SP4: variants seen among roughly 807,000 people sequenced by gnomAD.
SP4 encodes the protein transcription factor Sp4.
A neutral mutation model predicts 72.8 loss-of-function variants in SP4; 19 were observed. That is an observed-to-expected ratio of 0.26 (90% CI 0.18 to 0.38). SP4 has a LOEUF of 0.38. SP4 is among the 10% of genes least tolerant of loss of function. SP4 has a pLI of 1.00. For synonymous variants in SP4, 395 were observed against 333.1 expected, an observed-to-expected ratio of 1.19 and a Z score of -2.02; for missense variants, 1,008 against 926.3, an observed-to-expected ratio of 1.09 and a Z score of -1.14.
intron 3 of SP4, among the ~76,000 whole-genome samples, chr7:21,443,692 A>T (rs185090145): frequency 6.6e-6 from 1 of 152,242 alleles, no homozygotes; most frequent in East Asian, 1.9e-4. Flanking sequence ...AGGGGTGGAA[A>T]ATCCTTGCTC....
chr7:21,468,173 T>C (rs1784226039), intron 3 of SP4, among the ~76,000 whole-genome samples: 1 of 152,134 alleles, frequency 6.6e-6, no homozygotes, highest in Non-Finnish European at 1.5e-5. Context: ...TTTCTGTCCC[T>C]ATTCCTAAGC....
intron 3 of SP4, among the ~76,000 whole-genome samples, chr7:21,474,675 T>C (rs867177910): frequency 6.6e-6 from 1 of 152,194 alleles, no homozygotes; most frequent in Admixed American, 6.5e-5. Flanking sequence ...TTAAAGTAGA[T>C]AGGGAGCAGA....
chr7:21,514,492 A>G lies in SP4; in HGVS notation c.*3223A>G, dbSNP rs1782218182. On this transcript the variant is annotated 3_prime_UTR_variant, in exon 6 of 6. Coordinates refer to ENST00000222584, the MANE Select transcript of SP4 (RefSeq NM_003112.5). ...AATGTTTTGCAAAAATTCCTTATAA[A>G]AAGTTTTGTAGTAACATTTCACTTG... is the stretch of plus-strand genomic sequence containing the variant. 6.6e-6 allele frequency: 1 copy of G among 151,466 alleles called. No homozygotes were observed. The highest frequency in any genetic ancestry group is 1.5e-5 in the Non-Finnish European group (1 of 67,842). The allele number at this position is 151,466 out of a possible 1,614,324, so 9.4% of individuals were successfully genotyped here. A position where few individuals can be genotyped will look rare whatever the true frequency, so the allele number is the denominator to read the frequency against.
intron 3 of SP4, among the ~76,000 whole-genome samples, chr7:21,437,702 A>T (rs1388034249): frequency 6.6e-6 from 1 of 152,196 alleles, no homozygotes; most frequent in African/African-American, 2.4e-5. Flanking sequence ...CATACCTACA[A>T]GGTAAAAAAC....
rs759232390 is a variant in SP4 at position 21,428,893 on chromosome 7, C to T, written c.123+101C>T. On this transcript the variant is annotated intron_variant, in intron 2 of 5. Transcript: ENST00000222584. The stretch of plus-strand genomic sequence containing the variant: ...GAAGTAACAGAATAAAATGTTTATC[C>T]ACTCAAAGCATCTTTCTGAGAGTGT... The T allele has an allele frequency of 7.7e-6, 7 of 911,572 alleles. No individual in the cohort carries two copies. In the Admixed American group the frequency reaches 1.7e-4, roughly 23 times the overall value. 56.5% of individuals were successfully genotyped at this position (911,572 alleles called of 1,614,324 possible). A position where few individuals can be genotyped will look rare whatever the true frequency, so the allele number is the denominator to read the frequency against.
At position 21,429,287 on chromosome 7, in the gene SP4, A is replaced by T; in HGVS notation, c.124-2A>T. The T allele has an allele frequency of 7.4e-7, 1 of 1,342,710 alleles. No homozygotes were observed. Among genetic ancestry groups the T allele is most frequent in the Non-Finnish European group, 1.0e-6 (1 of 969,016 alleles). The allele number at this position is 1,342,710 out of a possible 1,614,324, so 83.2% of individuals were successfully genotyped here. ...TCTCCTTTACCGTCCCATTTTGGGT[A>T]GGACTCTCAGCCCTCTCCTCTGGCT... On this transcript the variant is annotated splice_acceptor_variant, in intron 2 of 5. Transcript: ENST00000222584. LOFTEE classifies it high-confidence loss of function.
intron 3 of SP4, among the ~76,000 whole-genome samples, chr7:21,431,966 A>T (rs2128389544): frequency 6.6e-6 from 1 of 152,344 alleles, no homozygotes; most frequent in Non-Finnish European, 1.5e-5. Flanking sequence ...TTGCCAGATA[A>T]AGCCTTCTGA....
chr7:21,430,916 C>A, intron 3 of SP4, 73 bp downstream of exon 3: 2 of 1,202,864 alleles, frequency 1.7e-6, no homozygotes, highest in Non-Finnish European at 2.3e-6. Flanking sequence ...TCTCCTAATT[C>A]TAAGGTTTGA....
At chr7:21,510,618 TTAAAAC>T (rs752318358) in intron 5 of SP4, among the ~76,000 whole-genome samples, 8 of 152,198 alleles carry the variant, frequency 5.3e-5, no homozygotes, top group Non-Finnish European at 8.8e-5. Context: ...GCCTCCAAGA[TTAAAAC>T]TAAAACCCAG....
chr7:21,455,694 T>C (rs1202243602), intron 3 of SP4, among the ~76,000 whole-genome samples: 1 of 152,188 alleles, frequency 6.6e-6, no homozygotes, highest in African/African-American at 2.4e-5. Flanking sequence ...GTACCTATCA[T>C]TGTGCCTTCA....
At chr7:21,486,520 T>C (rs1304659524) in intron 5 of SP4, among the ~76,000 whole-genome samples, 2 of 152,088 alleles carry the variant, frequency 1.3e-5, no homozygotes, top group Non-Finnish European at 2.9e-5. Context: ...TGGACACATT[T>C]GAAAGTGGTT....
intron 3 of SP4, among the ~76,000 whole-genome samples, chr7:21,474,453 A>G (rs1310761032): frequency 6.6e-6 from 1 of 152,238 alleles, no homozygotes; most frequent in African/African-American, 2.4e-5. Context: ...CATTTTTTGC[A>G]GTAAACAAAG....
At chr7:21,432,991 C>T (rs138983985) in intron 3 of SP4, among the ~76,000 whole-genome samples, 45 of 152,304 alleles carry the variant, frequency 3.0e-4, no homozygotes, top group African/African-American at 9.4e-4. Flanking sequence ...GAGACCCTCT[C>T]TCAAACAAAC....
chr7:21,429,260 C>A (rs199562548), intron 2 of SP4, 29 bp from the exon 3 acceptor site: 6 of 1,209,204 alleles, frequency 5.0e-6, no homozygotes, highest in Non-Finnish European at 7.0e-6. Flanking sequence ...TTCCCCCCCC[C>A]CTCTCCTTTA....
intron 5 of SP4, among the ~76,000 whole-genome samples, chr7:21,498,807 C>T (rs183859235): frequency 4.1e-4 from 63 of 152,128 alleles, no homozygotes; most frequent in South Asian, 1.7e-3. Flanking sequence ...ATCGTTAGGC[C>T]GGGTGCGGTG....
At chr7:21,458,022 C>G (rs745366285) in intron 3 of SP4, among the ~76,000 whole-genome samples, 1 of 152,092 alleles carries the variant, frequency 6.6e-6, no homozygotes, top group African/African-American at 2.4e-5. Flanking sequence ...CTAAATTACT[C>G]TTAAGAGTTT....
chr7:21,495,000 C>T (rs1430589354), intron 5 of SP4, among the ~76,000 whole-genome samples: 5 of 152,062 alleles, frequency 3.3e-5, no homozygotes, highest in African/African-American at 4.8e-5. Context: ...GAAAAAGTAG[C>T]GTTTTCAATA....
Position 21,430,023 on chromosome 7 carries a change from T to G in SP4, c.858T>G (p.Pro286=), listed in dbSNP as rs202139248. ...AGGGTGQVGQ[P]AATADSGTSN... is the part of the protein sequence containing the mutation. ...GAGGGACTGGGCAGGTTGGCCAGCC[T>G]GCTGCTACTGCTGATAGTGGGACTT... Residue 286 remains proline, a synonymous_variant, in exon 3 of 6, where the codon CCT becomes CCG. Coordinates refer to ENST00000222584, the MANE Select transcript of SP4 (RefSeq NM_003112.5). 1.9e-6 allele frequency: 3 copies of G among 1,614,086 alleles called. No homozygotes were observed. The highest frequency in any genetic ancestry group is 2.5e-6 in the Non-Finnish European group (3 of 1,180,040).
rs138990026 is a variant in SP4, at chr7:21,505,032, C to T, written c.2108-5990C>T. ...CAGGACCGGGGCTGTAATGAGGGCC[C>T]GCTTTAGCTCTTTTACCACCTGAAT... On this transcript the variant is annotated intron_variant, in intron 5 of 5. Transcript: ENST00000222584. Among the ~76,000 whole-genome samples, 106 of 152,332 alleles carry T rather than the reference C, an allele frequency of 7.0e-4. 1 individual carries two copies. In the East Asian group the frequency reaches 0.015, roughly 21 times the overall value.
Sources: allele counts gnomAD v4.1 joint callset (sites outside exome capture counted in the v4.1 genomes callset), GRCh38; gene constraint gnomAD v4.1.1; transcripts MANE v1.5; gene names NCBI Gene and HGNC (gene_info 2026-07-23, HGNC 2026-07-21).